PTAR1: variants seen among roughly 807,000 people sequenced by gnomAD.
PTAR1 encodes protein prenyltransferase alpha subunit repeat containing 1.
In PTAR1, 17 loss-of-function variants were observed where a neutral mutation model predicts 45.5. That is an observed-to-expected ratio of 0.37 (90% CI 0.26 to 0.56). The LOEUF (loss-of-function observed/expected upper bound fraction) is 0.56, where lower values mean the gene tolerates loss of function less well. PTAR1 is among the 20% of genes least tolerant of loss of function. The pLI is 0.77. For missense variants in PTAR1, 391 were observed against 476.3 expected (o/e 0.82, Z 1.67); for synonymous variants, 169 against 171.3 (o/e 0.99, Z 0.11).
At chr9:69,725,892 T>C (rs1032767621) in intron 5 of PTAR1, among the ~76,000 whole-genome samples, 2 of 152,116 alleles carry the variant, frequency 1.3e-5, no homozygotes, top group Non-Finnish European at 2.9e-5. Context: ...ATAAATGACC[T>C]TCGTATGATA....
chr9:69,753,862 C>G (rs1035497137), intron 1 of PTAR1, among the ~76,000 whole-genome samples: 11 of 152,156 alleles, frequency 7.2e-5, no homozygotes, highest in African/African-American at 2.2e-4. Flanking sequence ...GTATCCTCAT[C>G]TGAAACACAG....
At chr9:69,752,219 G>A (rs1050505009) in intron 1 of PTAR1, among the ~76,000 whole-genome samples, 1 of 152,062 alleles carries the variant, frequency 6.6e-6, no homozygotes, top group Non-Finnish European at 1.5e-5. Context: ...CCCTTACCAA[G>A]AACACAGTGG....
rs527248289 is a variant in PTAR1 at position 69,717,322 on chromosome 9, T to C, written c.*1020A>G. The C allele has an allele frequency of 2.0e-4, 31 of 152,246 alleles. No homozygotes were observed. The highest frequency in any genetic ancestry group is 6.5e-4 in the African/African-American group (27 of 41,556). 9.4% of individuals were successfully genotyped at this position (152,246 alleles called of 1,614,324 possible). ...CATAAGTGAATTTGAAATTAAAAAG[T>C]AGTAATAGCTAAAAATGGCATTCCA... is the stretch of plus-strand genomic sequence containing the variant. On this transcript the variant is annotated 3_prime_UTR_variant, in exon 8 of 8. Coordinates refer to ENST00000340434, the MANE Select transcript of PTAR1 (RefSeq NM_001099666.2).
At chr9:69,732,437 A>G in intron 4 of PTAR1, 85 bp from the exon 5 acceptor site, 1 of 974,298 alleles carries the variant, frequency 1.0e-6, no homozygotes, top group Non-Finnish European at 1.6e-6. Flanking sequence ...TTCCTAATTT[A>G]ATTTCCATTC....
intron 2 of PTAR1, among the ~76,000 whole-genome samples, chr9:69,743,353 G>A (rs1396256910): frequency 7.2e-5 from 11 of 152,092 alleles, no homozygotes; most frequent in African/African-American, 2.7e-4. Context: ...CAGTGTTTAA[G>A]TAAAATATAA....
chr9:69,739,693 T>A (rs1825955121), intron 3 of PTAR1, among the ~76,000 whole-genome samples: 1 of 152,166 alleles, frequency 6.6e-6, no homozygotes, highest in Non-Finnish European at 1.5e-5. Context: ...CTTATAGGGT[T>A]AGAATTTACT....
At chr9:69,737,777 C>T (rs1049172987) in intron 3 of PTAR1, among the ~76,000 whole-genome samples, 3 of 152,110 alleles carry the variant, frequency 2.0e-5, no homozygotes, top group Non-Finnish European at 4.4e-5. Context: ...AGGTAAATAT[C>T]ATCATTGAGC....
intron 6 of PTAR1, among the ~76,000 whole-genome samples, chr9:69,719,731 A>G (rs1398276678): frequency 6.6e-6 from 1 of 152,194 alleles, no homozygotes; most frequent in African/African-American, 2.4e-5. Context: ...AAGCAAGTCT[A>G]TCAGCACAAT....
rs979928531 is a variant in PTAR1, at chr9:69,717,152, T to C, written c.*1190A>G. On this transcript the variant is annotated 3_prime_UTR_variant, in exon 8 of 8. Transcript: ENST00000340434. ...TCAAAGTGTTTTGTTTTGCACATACTATTCCTTCCCTTGGCATTTGCCAGT... is the reference window on the plus strand; with the variant it reads ...TCAAAGTGTTTTGTTTTGCACATACCATTCCTTCCCTTGGCATTTGCCAGT... The C allele has an allele frequency of 2.0e-5, 3 of 152,216 alleles. No individual in the cohort carries two copies. The highest frequency in any genetic ancestry group is 6.5e-5 in the Admixed American group (1 of 15,272). The allele number at this position is 152,216 out of a possible 1,614,324, so 9.4% of individuals were successfully genotyped here. A position where few individuals can be genotyped will look rare whatever the true frequency, so the allele number is the denominator to read the frequency against.
chr9:69,716,820 G>A lies in PTAR1; in HGVS notation c.*1522C>T, dbSNP rs1824743759. 6.6e-6 allele frequency: 1 copy of A among 152,146 alleles called. No individual in the cohort carries two copies. Among genetic ancestry groups the A allele is most frequent in the Admixed American group, 6.6e-5 (1 of 15,264 alleles). 9.4% of individuals were successfully genotyped at this position (152,146 alleles called of 1,614,324 possible). On this transcript the variant is annotated 3_prime_UTR_variant, in exon 8 of 8. Transcript: ENST00000340434. ...TCTGGTATATGAATGTATTTTAGATGAGGTATGAAATTCATTGCAAATAGG... is the reference window on the plus strand; with the variant it reads ...TCTGGTATATGAATGTATTTTAGATAAGGTATGAAATTCATTGCAAATAGG...
intron 1 of PTAR1, among the ~76,000 whole-genome samples, chr9:69,755,097 T>C (rs565687898): frequency 1.3e-5 from 2 of 152,232 alleles, no homozygotes; most frequent in South Asian, 2.1e-4. Context: ...CACTGTTAGG[T>C]TTCTGGCCAT....
intron 6 of PTAR1, among the ~76,000 whole-genome samples, chr9:69,720,490 A>G (rs1824944691): frequency 6.6e-6 from 1 of 152,212 alleles, no homozygotes; most frequent in African/African-American, 2.4e-5. Context: ...CAAAACTACA[A>G]AGTGAAGTAG....
At position 69,714,412 on chromosome 9, in the gene PTAR1, T is replaced by C. The variant is rs1824648373; in HGVS notation, c.*3930A>G. The C allele has an allele frequency of 6.6e-6, 1 of 152,082 alleles. No individual in the cohort carries two copies. Among genetic ancestry groups the C allele is most frequent in the Admixed American group, 6.6e-5 (1 of 15,238 alleles). 9.4% of individuals were successfully genotyped at this position (152,082 alleles called of 1,614,324 possible). ...AACTCAGGGGAACTAAGGTAGGGAT[T>C]ATTAGATTGTTGTACAGTAGGTGGT... is the stretch of plus-strand genomic sequence containing the variant. On this transcript the variant is annotated 3_prime_UTR_variant, in exon 8 of 8. Transcript: ENST00000340434.
intron 2 of PTAR1, among the ~76,000 whole-genome samples, chr9:69,742,397 T>A (rs1198116615): frequency 6.6e-6 from 1 of 152,140 alleles, no homozygotes; most frequent in Admixed American, 6.5e-5. Flanking sequence ...AAGTATTATT[T>A]CATATGCATC....
intron 1 of PTAR1, among the ~76,000 whole-genome samples, chr9:69,759,399 AGGG>A (rs1826967656): frequency 6.6e-6 from 1 of 152,102 alleles, no homozygotes; most frequent in South Asian, 2.1e-4. Context: ...TAGTAAACTG[AGGG>A]GTTTGAGGCT....
intron 5 of PTAR1, among the ~76,000 whole-genome samples, chr9:69,731,199 G>A (rs557913757): frequency 3.7e-4 from 56 of 152,306 alleles, no homozygotes; most frequent in African/African-American, 1.3e-3. Context: ...AGGAAACAAA[G>A]AGAGAAATGG....
chr9:69,719,156 A>G (rs1338787073), intron 6 of PTAR1, among the ~76,000 whole-genome samples: 1 of 152,180 alleles, frequency 6.6e-6, no homozygotes, highest in Non-Finnish European at 1.5e-5. Context: ...ACTTTAATAA[A>G]AATAACATAT....
chr9:69,734,117 A>G (rs1260627159), intron 4 of PTAR1, 33 bp downstream of exon 4: 27 of 1,145,096 alleles, frequency 2.4e-5, no homozygotes, highest in Non-Finnish European at 3.6e-5. Context: ...TCTGAATCCT[A>G]AGTAAGAGTA....
chr9:69,731,000 A>G (rs907821261), intron 5 of PTAR1, among the ~76,000 whole-genome samples: 1 of 152,278 alleles, frequency 6.6e-6, no homozygotes, highest in East Asian at 1.9e-4. Flanking sequence ...CTTGCTTTCC[A>G]CATATAGGTA....
Sources: gnomAD v4.1 joint callset for allele counts (sites outside exome capture counted in the v4.1 genomes callset) on GRCh38, gnomAD v4.1.1 for gene constraint, MANE v1.5 for transcripts, NCBI Gene and HGNC (gene_info 2026-07-23, HGNC 2026-07-21) for gene names.